CARM1: variants seen among roughly 807,000 people sequenced by gnomAD.
CARM1 encodes the protein histone-arginine methyltransferase CARM1.
CARM1 carries 14 observed loss-of-function variants against 72.7 expected under a neutral mutation model. The ratio of observed to expected loss-of-function variants is 0.19; its 90% CI spans 0.13 to 0.30. CARM1 has a LOEUF of 0.30. Ranked by LOEUF, CARM1 falls within the 10% of genes least tolerant of loss-of-function variation. The pLI is 1.00. For synonymous variants in CARM1, 333 were observed against 345.5 expected (o/e 0.96, Z 0.40); for missense variants, 432 against 833.7 (o/e 0.52, Z 5.93).
At chr19:10,914,327 C>T (rs1237587981) in intron 6 of CARM1, among the ~76,000 whole-genome samples, 1 of 152,244 alleles carries the variant, frequency 6.6e-6, no homozygotes, top group Non-Finnish European at 1.5e-5. Context: ...TGTCCTGCTC[C>T]TGCGGGACAG....
chr19:10,916,375 G>T lies in CARM1; in HGVS notation c.848-32G>T. 6.8e-7 allele frequency: 1 copy of T among 1,479,682 alleles called. No individual in the cohort carries two copies. Among genetic ancestry groups the T allele is most frequent in the South Asian group, 1.1e-5 (1 of 88,190 alleles). 91.7% of individuals were successfully genotyped at this position (1,479,682 alleles called of 1,614,324 possible). On this transcript the variant is annotated intron_variant, in intron 6 of 15. Coordinates refer to ENST00000327064, the MANE Select transcript of CARM1 (RefSeq NM_199141.2). The surrounding 1 kb of genome is among the most constrained non-coding windows in gnomAD (Gnocchi z 4.4). ...CCAGGCAGTGTGGGATGTGTCACCT[G>T]ACGCCAGCACCCCTCCCTGCCCCAC...
intron 8 of CARM1, 141 bp from the exon 9 acceptor site, chr19:10,919,454 C>CA: frequency 1.5e-6 from 1 of 645,814 alleles, no homozygotes; most frequent in South Asian, 1.9e-5. Context: ...GTCCCCTCCT[C>CA]ACGGCGTGTC....
At chr19:10,886,774 C>G (rs1054579573) in intron 1 of CARM1, among the ~76,000 whole-genome samples, 2 of 151,958 alleles carry the variant, frequency 1.3e-5, no homozygotes, top group Non-Finnish European at 2.9e-5. Flanking sequence ...GGAGTTGCAG[C>G]AAGCCGAGGT....
At position 10,920,998 on chromosome 19, in the gene CARM1, G is replaced by A. The variant is rs2288841; in HGVS notation, c.1537+52G>A. ...GCCAACCCGGGAGGCCGCCCTCGCC[G>A]CAGGCCTGGCCCCTCTGCCTCCAGC... On this transcript the variant is annotated intron_variant, in intron 13 of 15. Transcript: ENST00000327064. The surrounding 1 kb of genome is among the most constrained non-coding windows in gnomAD (Gnocchi z 5.3). The A allele has an allele frequency of 4.9e-3, 7,926 of 1,611,500 alleles. 570 individuals are homozygous for A. In the East Asian group the frequency reaches 0.15, roughly 30 times the overall value.
chr19:10,893,920 C>T (rs1302953037), intron 1 of CARM1, among the ~76,000 whole-genome samples: 1 of 152,208 alleles, frequency 6.6e-6, no homozygotes, highest in African/African-American at 2.4e-5. Flanking sequence ...AAACCTAAGT[C>T]CTCCTTGATG....
Position 10,916,572 on chromosome 19 carries a change from C to G in CARM1, c.938+75C>G. The G allele has an allele frequency of 7.1e-7, 1 of 1,403,210 alleles. No individual in the cohort carries two copies. The highest frequency in any genetic ancestry group is 1.0e-6 in the Non-Finnish European group (1 of 997,104). The allele number at this position is 1,403,210 out of a possible 1,614,324, so 86.9% of individuals were successfully genotyped here. ...GGGACAGCCCCAGCTCCCCAGAGAGCCTGCACTCCTCTTTTTCTGAAAGAC... is the reference window on the plus strand; with the variant it reads ...GGGACAGCCCCAGCTCCCCAGAGAGGCTGCACTCCTCTTTTTCTGAAAGAC... On this transcript the variant is annotated intron_variant, in intron 7 of 15. Coordinates refer to ENST00000327064, the MANE Select transcript of CARM1 (RefSeq NM_199141.2). This position sits in a 1 kb window ranked among gnomAD's most constrained non-coding sequence, Gnocchi z 4.4.
intron 1 of CARM1, among the ~76,000 whole-genome samples, chr19:10,882,949 G>A (rs1294632998): frequency 6.6e-6 from 1 of 152,110 alleles, no homozygotes; most frequent in Non-Finnish European, 1.5e-5. Context: ...GAGAGGTAGG[G>A]GAGAGGCTGG....
At chr19:10,911,713 G>C (rs568130172) in intron 4 of CARM1, among the ~76,000 whole-genome samples, 3 of 152,226 alleles carry the variant, frequency 2.0e-5, no homozygotes, top group Non-Finnish European at 2.9e-5. Context: ...TGACCACCAC[G>C]GGCCAGTAGC....
intron 1 of CARM1, among the ~76,000 whole-genome samples, chr19:10,873,447 C>T (rs185855199): frequency 1.3e-5 from 2 of 151,412 alleles, no homozygotes; most frequent in South Asian, 2.1e-4. Context: ...TACAAAACAG[C>T]GGGGTGTGGT....
intron 1 of CARM1, among the ~76,000 whole-genome samples, chr19:10,873,703 A>C (rs1018176228): frequency 1.6e-5 from 2 of 122,732 alleles, no homozygotes; most frequent in Non-Finnish European, 3.1e-5. Context: ...GCAGTGGCTC[A>C]ATCTCGGCTC....
chr19:10,917,167 T>C (rs1039663282), intron 8 of CARM1, among the ~76,000 whole-genome samples: 4 of 152,082 alleles, frequency 2.6e-5, no homozygotes, highest in Non-Finnish European at 4.4e-5. Context: ...AGATTTTTGA[T>C]ACATAGATCC....
intron 1 of CARM1, among the ~76,000 whole-genome samples, chr19:10,873,270 T>G (rs750550473): frequency 6.6e-6 from 1 of 152,132 alleles, no homozygotes; most frequent in Non-Finnish European, 1.5e-5. Context: ...TCAAAGGAGT[T>G]CCAGGAGAGT....
At chr19:10,910,314 T>C (rs1461217036) in intron 4 of CARM1, among the ~76,000 whole-genome samples, 1 of 151,824 alleles carries the variant, frequency 6.6e-6, no homozygotes, top group African/African-American at 2.4e-5. Flanking sequence ...CCATTTCTAC[T>C]AAAATAAAAT....
intron 1 of CARM1, among the ~76,000 whole-genome samples, chr19:10,903,995 C>T (rs1445044626): frequency 6.6e-6 from 1 of 152,188 alleles, no homozygotes; most frequent in Non-Finnish European, 1.5e-5. Flanking sequence ...TGGGCCCAGC[C>T]TCCCCAGTTG....
intron 1 of CARM1, among the ~76,000 whole-genome samples, chr19:10,883,340 A>AC (rs2073916029): frequency 6.6e-6 from 1 of 151,578 alleles, no homozygotes; most frequent in African/African-American, 2.4e-5. Context: ...CCTGCCCAAG[A>AC]CCCCCTCGTC....
rs531632719 is a variant in CARM1 at position 10,907,970 on chromosome 19, C to A, written c.347-69C>A. 1.2e-5 allele frequency: 11 copies of A among 928,000 alleles called. No individual in the cohort carries two copies. In the African/African-American group the frequency reaches 1.5e-4, roughly 12 times the overall value. The allele number at this position is 928,000 out of a possible 1,614,324, so 57.5% of individuals were successfully genotyped here. A position where few individuals can be genotyped will look rare whatever the true frequency, so the allele number is the denominator to read the frequency against. ...CGTCAGGACATACGGCCATCCAGAACCTTCCCTCCCAGATGGCCACATGCT... is the reference window on the plus strand; with the variant it reads ...CGTCAGGACATACGGCCATCCAGAAACTTCCCTCCCAGATGGCCACATGCT... On this transcript the variant is annotated intron_variant, in intron 2 of 15. Coordinates refer to ENST00000327064, the MANE Select transcript of CARM1 (RefSeq NM_199141.2).
chr19:10,890,614 G>T (rs542535348), intron 1 of CARM1, among the ~76,000 whole-genome samples: 2 of 150,544 alleles, frequency 1.3e-5, no homozygotes, highest in South Asian at 4.2e-4. Context: ...TGTGGTCCCA[G>T]CTACTTTGTT....
rs181456859 is a variant in CARM1 at position 10,921,514 on chromosome 19, C to T, written c.1684+71C>T. 7.7e-5 allele frequency: 120 copies of T among 1,566,594 alleles called. 1 individual carries two copies. The highest frequency in any genetic ancestry group is 3.4e-4 in the Middle Eastern group (2 of 5,852). On this transcript the variant is annotated intron_variant, in intron 15 of 15. Transcript: ENST00000327064. The stretch of plus-strand genomic sequence containing the variant: ...TGTGAGTCGCCATCCTCTGTCCGGC[C>T]GCCCGCCTGCCCTCTTGCCTGCCCT...
intron 2 of CARM1, 23 bp downstream of exon 2, chr19:10,905,099 CGG>C: frequency 6.2e-7 from 1 of 1,610,340 alleles, no homozygotes; most frequent in Middle Eastern, 1.9e-4. Context: ...CCTTCCATTC[CGG>C]TGACACCAGC....
Sources: gnomAD v4.1 joint callset for allele counts (sites outside exome capture counted in the v4.1 genomes callset) on GRCh38, gnomAD v4.1.1 for gene constraint, Gnocchi (gnomAD v3.1) non-coding constraint, MANE v1.5 for transcripts, NCBI Gene and HGNC (gene_info 2026-07-23, HGNC 2026-07-21) for gene names.